The following TJAP1 variants were observed in gnomAD, a reference collection of about 807,000 sequenced individuals.
The protein encoded by TJAP1 is tight junction-associated protein 1.
A neutral mutation model predicts 42.0 loss-of-function variants in TJAP1; 27 were observed. That is an observed-to-expected ratio of 0.64 (90% CI 0.47 to 0.89). TJAP1 has a LOEUF of 0.89. Ranked by LOEUF, TJAP1 falls within the 40% of genes least tolerant of loss-of-function variation. The pLI, the probability that TJAP1 is intolerant of heterozygous loss-of-function variation, is 0.00. For missense variants in TJAP1, 712 were observed against 726.9 expected, an observed-to-expected ratio of 0.98 and a Z score of 0.24; for synonymous variants, 257 against 288.4, an observed-to-expected ratio of 0.89 and a Z score of 1.10.
intron 8 of TJAP1, 68 bp from the exon 9 acceptor site, chr6:43,503,333 G>T: frequency 8.1e-7 from 1 of 1,239,026 alleles, no homozygotes; most frequent in South Asian, 1.2e-5. Flanking sequence ...TCCAGGATGG[G>T]AGGAGGTGGA....
chr6:43,498,401 A>T (rs1234092177), intron 3 of TJAP1, among the ~76,000 whole-genome samples: 1 of 152,092 alleles, frequency 6.6e-6, no homozygotes, highest in Non-Finnish European at 1.5e-5. Flanking sequence ...TGTACAAAAA[A>T]TAGCCAGGTG....
chr6:43,503,432 T>C, exon 9 of TJAP1: 1 of 1,614,086 alleles, frequency 6.2e-7, no homozygotes, highest in Non-Finnish European at 8.5e-7. Context: ...AGGAAGACGC[T>C]GGACTGGGAG....
In TJAP1 at chr6:43,505,450, A is replaced by G; in HGVS notation, c.1269A>G (p.Pro423=). The G allele has an allele frequency of 1.2e-6, 2 of 1,613,236 alleles. No homozygotes were observed. The highest frequency in any genetic ancestry group is 1.7e-6 in the Non-Finnish European group (2 of 1,179,998). Residue 423 remains proline, a synonymous_variant, in exon 11 of 11, where the codon CCA becomes CCG. Coordinates refer to ENST00000372449, the Ensembl canonical transcript of TJAP1. The surrounding 1 kb of genome is among the most constrained non-coding windows in gnomAD (Gnocchi z 5.5). ...AGCGGGCATTTGTGGACCGTACTCCACCACCTGCTGCTGTGGCCCAGCGCA... is the reference window on the plus strand; with the variant it reads ...AGCGGGCATTTGTGGACCGTACTCCGCCACCTGCTGCTGTGGCCCAGCGCA...
intron 2 of TJAP1, among the ~76,000 whole-genome samples, chr6:43,486,326 T>C (rs557875582): frequency 2.1e-5 from 3 of 145,948 alleles, no homozygotes; most frequent in Non-Finnish European, 4.5e-5. Flanking sequence ...AAGGAGGAGG[T>C]GAGTACGTAC....
rs1792286220 is a variant in TJAP1 at position 43,505,927 on chromosome 6, T to G, written c.*72T>G. On this transcript the variant is annotated 3_prime_UTR_variant, in exon 11 of 11. Transcript: ENST00000372449. This position sits in a 1 kb window ranked among gnomAD's most constrained non-coding sequence, Gnocchi z 5.5. Reference sequence around the variant, plus strand: ...GTCCCCACACCTTGGCAGCTCAGGGTCCCCAGTCCAAGCCCTTGACCTCTC... The same window carrying G: ...GTCCCCACACCTTGGCAGCTCAGGGGCCCCAGTCCAAGCCCTTGACCTCTC... The G allele has an allele frequency of 7.1e-7, 1 of 1,407,772 alleles. No homozygotes were observed. The highest frequency in any genetic ancestry group is 1.6e-5 in the South Asian group (1 of 61,704). 87.2% of individuals were successfully genotyped at this position (1,407,772 alleles called of 1,614,324 possible).
rs1047696204 is a variant in TJAP1 at position 43,491,590 on chromosome 6, C to T, written c.-121-6291C>T. 2.0e-4 allele frequency among the ~76,000 whole-genome samples: 31 copies of T among 151,834 alleles called. No individual in the cohort carries two copies. Among genetic ancestry groups the T allele is most frequent in the African/African-American group, 3.9e-4 (16 of 41,292 alleles). ...CAGGTATGAGCCACTGTGCCTGGCCCGATGAGAAATATCTTGATGAAAATG... is the reference window on the plus strand; with the variant it reads ...CAGGTATGAGCCACTGTGCCTGGCCTGATGAGAAATATCTTGATGAAAATG... On this transcript the variant is annotated intron_variant, in intron 2 of 10. Coordinates refer to ENST00000372449, the Ensembl canonical transcript of TJAP1. This position sits in a 1 kb window ranked among gnomAD's most constrained non-coding sequence, Gnocchi z 4.6.
chr6:43,500,903 G>A, intron 5 of TJAP1, 131 bp downstream of exon 5: 1 of 1,020,882 alleles, frequency 9.8e-7, no homozygotes, highest in East Asian at 2.4e-5. Flanking sequence ...TTGTTTTAGG[G>A]ACTCTGGGAG....
chr6:43,502,977 A>G, intron 8 of TJAP1: 1 of 468,350 alleles, frequency 2.1e-6, no homozygotes, highest in Non-Finnish European at 3.9e-6. Flanking sequence ...CTCCCTGCTC[A>G]ACAAGGTGCC....
intron 2 of TJAP1, among the ~76,000 whole-genome samples, chr6:43,480,719 T>G (rs1785131731): frequency 6.6e-6 from 1 of 152,206 alleles, no homozygotes; most frequent in African/African-American, 2.4e-5. Flanking sequence ...TTTCACCGCA[T>G]TGGTCATGCT....
chr6:43,504,111 ATTTCT>A, intron 10 of TJAP1: 2 of 289,286 alleles, frequency 6.9e-6, no homozygotes, highest in Non-Finnish European at 1.4e-5. Context: ...AAGTAGAGGT[ATTTCT>A]TTTTTTTTTT....
intron 2 of TJAP1, among the ~76,000 whole-genome samples, chr6:43,490,274 C>G (rs1436170330): frequency 1.3e-5 from 2 of 152,262 alleles, no homozygotes; most frequent in Admixed American, 6.5e-5. Context: ...GACCACCCCC[C>G]ACCGTCACCC....
At chr6:43,501,923 A>ACTCTCT (rs1790838181) in intron 6 of TJAP1, among the ~76,000 whole-genome samples, 1 of 108,048 alleles carries the variant, frequency 9.3e-6, no homozygotes. Flanking sequence ...ACACACACAC[A>ACTCTCT]CACACTCTCT....
chr6:43,503,307 T>G, intron 8 of TJAP1, 94 bp from the exon 9 acceptor site: 2 of 930,092 alleles, frequency 2.2e-6, no homozygotes, highest in Non-Finnish European at 3.4e-6. Flanking sequence ...CCCTAGCACC[T>G]GTGGCCTCTT....
chr6:43,496,408 G>A (rs1450794804), intron 2 of TJAP1, among the ~76,000 whole-genome samples: 1 of 152,194 alleles, frequency 6.6e-6, no homozygotes, highest in Non-Finnish European at 1.5e-5. Context: ...CCCCGGGAAT[G>A]TGCCGTCCTT....
At chr6:43,499,225 A>G in intron 4 of TJAP1, 125 bp downstream of exon 4, 2 of 1,455,510 alleles carry the variant, frequency 1.4e-6, no homozygotes, top group East Asian at 2.5e-5. Flanking sequence ...TTGCTGTTGC[A>G]GGCCTGAGGT....
intron 2 of TJAP1, among the ~76,000 whole-genome samples, chr6:43,496,070 G>A (rs1178582208): frequency 6.6e-6 from 1 of 152,166 alleles, no homozygotes; most frequent in Non-Finnish European, 1.5e-5. Context: ...AGGGCTTCCT[G>A]AGATGACTGG....
At chr6:43,496,083 A>G (rs1789051480) in intron 2 of TJAP1, among the ~76,000 whole-genome samples, 1 of 152,038 alleles carries the variant, frequency 6.6e-6, no homozygotes, top group Non-Finnish European at 1.5e-5. Flanking sequence ...ATGACTGGGG[A>G]GCACATGGGG....
intron 2 of TJAP1, among the ~76,000 whole-genome samples, chr6:43,494,964 G>A (rs992960054): frequency 9.2e-5 from 14 of 152,234 alleles, no homozygotes; most frequent in Non-Finnish European, 1.9e-4. Context: ...GGAGGCCCCA[G>A]AGGCTGTCCT....
intron 10 of TJAP1, chr6:43,504,115 CTTTTT>C (rs869310556): frequency 3.3e-4 from 84 of 257,862 alleles, no homozygotes; most frequent in South Asian, 5.9e-4. Context: ...AGAGGTATTT[CTTTTT>C]TTTTTTTTTT....
Sources: gnomAD v4.1 joint callset for allele counts (sites outside exome capture counted in the v4.1 genomes callset) on GRCh38, gnomAD v4.1.1 for gene constraint, Gnocchi (gnomAD v3.1) non-coding constraint, MANE v1.5 for transcripts, NCBI Gene and HGNC (gene_info 2026-07-23, HGNC 2026-07-21) for gene names.